COX10: variants seen among roughly 807,000 people sequenced by gnomAD.
COX10 encodes cytochrome c oxidase assembly factor heme A:farnesyltransferase COX10, also known as protoheme IX farnesyltransferase, mitochondrial.
Under a neutral mutation model 37.3 loss-of-function variants are expected in COX10, and 27 were observed. That is an observed-to-expected ratio of 0.72 (90% confidence interval 0.53 to 1.00). The LOEUF is 1.00. Ranked by LOEUF, COX10 falls within the 50% of genes least tolerant of loss-of-function variation. COX10 has a pLI of 0.00. For missense variants in COX10, 475 were observed against 563.2 expected (o/e 0.84, Z 1.59); for synonymous variants, 222 against 229.1 (o/e 0.97, Z 0.28).
At chr17:14,161,130 C>G (rs1905163080) in intron 5 of COX10, among the ~76,000 whole-genome samples, 1 of 152,174 alleles carries the variant, frequency 6.6e-6, no homozygotes, top group Non-Finnish European at 1.5e-5. Context: ...TCATTTTAAA[C>G]AGCCCATCTT....
chr17:14,102,246 A>T lies in COX10; in HGVS notation c.624+4A>T. ...TGCTGCCAACTCCATCAATCAGGTC[A>T]GTTTCTCACTTTCATCTAAATTATG... is the stretch of plus-strand genomic sequence containing the variant. On this transcript the variant is annotated splice_donor_region_variant and intron_variant, in intron 4 of 6. Coordinates refer to ENST00000261643, the MANE Select transcript of COX10 (RefSeq NM_001303.4). 1 of 1,613,574 alleles carries T rather than the reference A, an allele frequency of 6.2e-7. No individual in the cohort carries two copies. The highest frequency in any genetic ancestry group is 8.5e-7 in the Non-Finnish European group (1 of 1,179,676).
intron 6 of COX10, among the ~76,000 whole-genome samples, chr17:14,198,332 G>A (rs1906430634): frequency 6.6e-6 from 1 of 152,166 alleles, no homozygotes; most frequent in Admixed American, 6.5e-5. Flanking sequence ...TATCTCAGAG[G>A]CTTTGGGTTA....
At chr17:14,140,678 C>T (rs1407444102) in intron 4 of COX10, among the ~76,000 whole-genome samples, 1 of 152,018 alleles carries the variant, frequency 6.6e-6, no homozygotes, top group Non-Finnish European at 1.5e-5. Context: ...TCATGTTAAA[C>T]ATTTTACATT....
Position 14,174,078 on chromosome 17 carries a change from T to A in COX10, c.695+14131T>A, listed in dbSNP as rs538719989. ...AAAATACAAGCCACAGAGTAGGAGA[T>A]AACATTTGTAAAATACAGACATGAT... On this transcript the variant is annotated intron_variant, in intron 5 of 6. Transcript: ENST00000261643. Among the ~76,000 whole-genome samples the A allele has an allele frequency of 2.0e-4, 31 of 151,938 alleles. 1 individual carries two copies. The South Asian group carries it at 6.0e-3, about 30-fold the overall frequency.
chr17:14,123,651 T>C (rs1465124858), intron 4 of COX10, among the ~76,000 whole-genome samples: 1 of 152,198 alleles, frequency 6.6e-6, no homozygotes, highest in Non-Finnish European at 1.5e-5. Flanking sequence ...GTCTCTTTAA[T>C]GTTATGTTTT....
At chr17:14,167,390 A>G (rs988788258) in intron 5 of COX10, among the ~76,000 whole-genome samples, 10 of 152,256 alleles carry the variant, frequency 6.6e-5, no homozygotes, top group African/African-American at 2.4e-4. Flanking sequence ...TAGATAAAGC[A>G]GTGTCAGAGT....
intron 3 of COX10, among the ~76,000 whole-genome samples, chr17:14,086,935 G>A (rs968518090): frequency 2.0e-5 from 3 of 152,118 alleles, no homozygotes; most frequent in Admixed American, 1.3e-4. Flanking sequence ...TATGTAGAGT[G>A]CTGACTTGAT....
rs189492534 is a variant in COX10 at position 14,073,226 on chromosome 17, A to G, written c.44-1097A>G. On this transcript the variant is annotated intron_variant, in intron 1 of 6. Coordinates refer to ENST00000261643, the MANE Select transcript of COX10 (RefSeq NM_001303.4). ...TGGCTTGAATGCTGCTATCGTTACC[A>G]TAGTCCAAATGTAAGATGATGAATG... Among the ~76,000 whole-genome samples the G allele has an allele frequency of 2.2e-3, 339 of 152,354 alleles. 7 individuals carry two copies. The highest frequency in any genetic ancestry group is 0.022 in the Admixed American group (337 of 15,304).
chr17:14,083,485 C>T (rs1915343736), intron 3 of COX10, among the ~76,000 whole-genome samples: 1 of 152,192 alleles, frequency 6.6e-6, no homozygotes. Context: ...TTTCATAGAA[C>T]TAGCCTTTCT....
Position 14,207,196 on chromosome 17 carries a change from G to A in COX10, c.1315G>A (p.Gly439Arg), listed in dbSNP as rs1388986610. The A allele has an allele frequency of 3.8e-6, 6 of 1,597,678 alleles. No individual in the cohort carries two copies. The highest frequency in any genetic ancestry group is 1.1e-5 in the South Asian group (1 of 90,266). ...GCGGCCGAGCGGAGGCGGGGACGCA[G>A]GGCCCCCTCCCAGCTGAGAGCACTG... ...CKRPSGGGDA[G>R]PPPS The change falls in exon 7 of 7, where the codon GGG becomes AGG. Residue 439 changes from glycine to arginine, a missense_variant. By Grantham distance (125) the Gly-to-Arg change is moderately radical. Around this residue, in one of 5 missense-constraint regions of COX10, gnomAD observed 160 missense variants for 180.6 expected, o/e 0.89. Transcript: ENST00000261643.
At chr17:14,093,616 A>T (rs1313384370) in intron 3 of COX10, among the ~76,000 whole-genome samples, 1 of 152,182 alleles carries the variant, frequency 6.6e-6, no homozygotes, top group Non-Finnish European at 1.5e-5. Context: ...TGGGTGACAG[A>T]TAAAGCCCCT....
chr17:14,108,864 A>G (rs1290280185), intron 4 of COX10, among the ~76,000 whole-genome samples: 6 of 152,042 alleles, frequency 3.9e-5, no homozygotes, highest in African/African-American at 1.4e-4. Context: ...TTGTGTTTTG[A>G]CTATACAGTC....
chr17:14,193,984 A>G (rs967854818), intron 6 of COX10, among the ~76,000 whole-genome samples: 3 of 152,198 alleles, frequency 2.0e-5, no homozygotes, highest in Non-Finnish European at 4.4e-5. Flanking sequence ...TGCCTGTCTG[A>G]TGGAGACACC....
intron 4 of COX10, among the ~76,000 whole-genome samples, chr17:14,118,526 A>G (rs1916162803): frequency 6.6e-6 from 1 of 152,204 alleles, no homozygotes; most frequent in Non-Finnish European, 1.5e-5. Context: ...GCACTATTTT[A>G]GTCTTCGTAA....
At chr17:14,098,513 A>G (rs1915701443) in intron 3 of COX10, among the ~76,000 whole-genome samples, 1 of 152,138 alleles carries the variant, frequency 6.6e-6, no homozygotes, top group Non-Finnish European at 1.5e-5. Context: ...AGGTTTTGCA[A>G]TTTATGGTGT....
At chr17:14,126,728 T>C (rs1380363070) in intron 4 of COX10, among the ~76,000 whole-genome samples, 2 of 152,088 alleles carry the variant, frequency 1.3e-5, no homozygotes, top group African/African-American at 4.8e-5. Flanking sequence ...CAATGGAGTA[T>C]AGCATGAGGG....
chr17:14,080,270 C>T (rs951499370), intron 3 of COX10, among the ~76,000 whole-genome samples: 5 of 134,106 alleles, frequency 3.7e-5, no homozygotes, highest in Admixed American at 3.4e-4. Context: ...GTCACCCAGG[C>T]TGGAGTCCAG....
intron 5 of COX10, among the ~76,000 whole-genome samples, chr17:14,164,336 TCTAA>T (rs370037466): frequency 0.013 from 1,942 of 152,336 alleles, 10 homozygotes; most frequent in African/African-American, 0.022. Flanking sequence ...TTTGTCTGCT[TCTAA>T]CTGTTATGCC....
chr17:14,128,325 A>G (rs1428682122), intron 4 of COX10, among the ~76,000 whole-genome samples: 1 of 152,168 alleles, frequency 6.6e-6, no homozygotes, highest in African/African-American at 2.4e-5. Context: ...TGAGATTAAA[A>G]TGTTAGCTGT....
Sources: allele counts gnomAD v4.1 joint callset (sites outside exome capture counted in the v4.1 genomes callset), GRCh38; gene constraint gnomAD v4.1.1; regional missense constraint gnomAD v4.1.1; transcripts MANE v1.5; gene names NCBI Gene and HGNC (gene_info 2026-07-23, HGNC 2026-07-21).